NCAM1: variants seen among roughly 807,000 people sequenced by gnomAD.
The protein encoded by NCAM1 is neural cell adhesion molecule 1.
Under a neutral mutation model 109.8 loss-of-function variants are expected in NCAM1, and 14 were observed. That is an observed-to-expected ratio of 0.13 (90% CI 0.08 to 0.20). NCAM1 has a LOEUF of 0.20. NCAM1 is among the 10% of genes least tolerant of loss of function. The pLI, the probability that NCAM1 is intolerant of heterozygous loss-of-function variation, is 1.00. For synonymous variants in NCAM1, 418 were observed against 442.9 expected, an observed-to-expected ratio of 0.94 and a Z score of 0.70; for missense variants, 774 against 1,109.9, an observed-to-expected ratio of 0.70 and a Z score of 4.30.
At chr11:113,078,446 T>C (rs80090160) in intron 1 of NCAM1, among the ~76,000 whole-genome samples, 7,979 of 152,132 alleles carry the variant, frequency 0.052, 579 homozygotes, top group Admixed American at 0.17. Context: ...GCACATGTGT[T>C]TCGGGAAGGG....
At chr11:113,202,332 G>GT (rs112087457) in intron 1 of NCAM1, 47 bp from the exon 2 acceptor site, 144,386 of 1,379,104 alleles carry the variant, frequency 0.1, 6,083 homozygotes, top group East Asian at 0.23. Flanking sequence ...AACTTTGTGG[G>GT]TTTTTTTTTG....
intron 1 of NCAM1, among the ~76,000 whole-genome samples, chr11:113,159,257 T>C (rs911165448): frequency 6.6e-6 from 1 of 152,248 alleles, no homozygotes; most frequent in East Asian, 1.9e-4. Context: ...AATATCGTAG[T>C]TGATAATTAG....
chr11:113,140,556 TG>T (rs558044710), intron 1 of NCAM1, among the ~76,000 whole-genome samples: 81 of 152,328 alleles, frequency 5.3e-4, no homozygotes, highest in African/African-American at 1.7e-3. Flanking sequence ...TAACATGCAT[TG>T]CTTCGGAGTC....
intron 1 of NCAM1, among the ~76,000 whole-genome samples, chr11:113,065,395 T>C (rs1937902370): frequency 6.6e-6 from 1 of 152,130 alleles, no homozygotes; most frequent in South Asian, 2.1e-4. Flanking sequence ...CTTTGCATAG[T>C]GATTTCCTTC....
At chr11:113,135,205 C>T (rs952767293) in intron 1 of NCAM1, among the ~76,000 whole-genome samples, 13 of 152,158 alleles carry the variant, frequency 8.5e-5, no homozygotes. Flanking sequence ...CAGATTTTCT[C>T]TGGGAACAGC....
At chr11:113,173,585 T>TATATATATATATATATA (rs1272373735) in intron 1 of NCAM1, among the ~76,000 whole-genome samples, 2 of 71,328 alleles carry the variant, frequency 2.8e-5, no homozygotes, top group Non-Finnish European at 5.2e-5. Context: ...TATTAGCATG[T>TATATATATATATATATA]TACCTGATAT....
At chr11:113,105,732 G>C (rs1555092417) in intron 1 of NCAM1, among the ~76,000 whole-genome samples, 1 of 152,186 alleles carries the variant, frequency 6.6e-6, no homozygotes, top group African/African-American at 2.4e-5. Context: ...CAGACAAGAA[G>C]TAATATATTA....
intron 2 of NCAM1, among the ~76,000 whole-genome samples, chr11:113,202,885 C>T (rs1352703709): frequency 6.6e-6 from 1 of 152,180 alleles, no homozygotes; most frequent in Non-Finnish European, 1.5e-5. Context: ...AAGTCTAAAA[C>T]TTGCCTGTAG....
chr11:113,264,414 A>C (rs1946090792), intron 17 of NCAM1: 9 of 985,428 alleles, frequency 9.1e-6, no homozygotes, highest in Middle Eastern at 5.2e-4. Context: ...CATGCTGCAC[A>C]GTAGCTCAGG....
intron 1 of NCAM1, among the ~76,000 whole-genome samples, chr11:113,039,845 T>C (rs1327514652): frequency 1.3e-5 from 2 of 152,186 alleles, no homozygotes; most frequent in African/African-American, 4.8e-5. Context: ...GTACGCACTA[T>C]TTTAAAAATA....
chr11:113,152,101 T>C (rs531995266), intron 1 of NCAM1, among the ~76,000 whole-genome samples: 25 of 152,318 alleles, frequency 1.6e-4, no homozygotes, highest in African/African-American at 5.1e-4. Flanking sequence ...CATCCAAAAA[T>C]TTAAGAATCC....
chr11:113,095,820 C>A (rs1024703735), intron 1 of NCAM1, among the ~76,000 whole-genome samples: 1 of 152,174 alleles, frequency 6.6e-6, no homozygotes, highest in Non-Finnish European at 1.5e-5. Flanking sequence ...CTGTGCCTCA[C>A]CTCCTACCGA....
At position 112,961,445 on chromosome 11, in the gene NCAM1, C is replaced by T. The variant is rs1236474718; in HGVS notation, c.-168C>T. On this transcript the variant is annotated 5_prime_UTR_variant, in exon 1 of 20. The change creates a new upstream start codon in the 5' untranslated region. Transcript: ENST00000316851. ...ACTCATTCTCCGATCAGCGCGTGAA[C>T]GCAGCTCGGCTGCCGCTGGCAGGAA... is the stretch of plus-strand genomic sequence containing the variant. 3.9e-6 allele frequency: 3 copies of T among 767,886 alleles called. No homozygotes were observed. Among genetic ancestry groups the T allele is most frequent in the Non-Finnish European group, 4.8e-6 (2 of 413,182 alleles). The allele number at this position is 767,886 out of a possible 1,614,324, so 47.6% of individuals were successfully genotyped here.
intron 1 of NCAM1, among the ~76,000 whole-genome samples, chr11:112,975,672 A>G (rs1214690102): frequency 2.0e-5 from 3 of 151,952 alleles, no homozygotes; most frequent in African/African-American, 7.2e-5. Context: ...TTCTTTGAAG[A>G]TAAGGGATTG....
intron 1 of NCAM1, among the ~76,000 whole-genome samples, chr11:113,099,876 A>AC: frequency 6.6e-6 from 1 of 152,190 alleles, no homozygotes; most frequent in Admixed American, 6.5e-5. Flanking sequence ...TTTAGCAGAG[A>AC]CGGGGTTTCA....
At chr11:113,118,876 G>C (rs1389216344) in intron 1 of NCAM1, among the ~76,000 whole-genome samples, 1 of 152,038 alleles carries the variant, frequency 6.6e-6, no homozygotes, top group Admixed American at 6.5e-5. Context: ...GTCAAGGATA[G>C]TGTTTCAAAT....
At chr11:112,976,728 C>T (rs1465837126) in intron 1 of NCAM1, among the ~76,000 whole-genome samples, 1 of 151,760 alleles carries the variant, frequency 6.6e-6, no homozygotes. Flanking sequence ...TTGATTTAGA[C>T]CATGATAGGT....
intron 14 of NCAM1, chr11:113,240,899 C>T: frequency 6.9e-7 from 1 of 1,450,746 alleles, no homozygotes; most frequent in Non-Finnish European, 9.7e-7. Context: ...TTTGTTTTGC[C>T]TAATGTTATC....
intron 7 of NCAM1, among the ~76,000 whole-genome samples, chr11:113,214,086 A>T (rs1944460386): frequency 6.6e-6 from 1 of 152,198 alleles, no homozygotes; most frequent in Non-Finnish European, 1.5e-5. Flanking sequence ...TTCCTCTCGA[A>T]GGCTCCATCC....
Sources: gnomAD v4.1 joint callset for allele counts (sites outside exome capture counted in the v4.1 genomes callset) on GRCh38, gnomAD v4.1.1 for gene constraint, MANE v1.5 for transcripts, NCBI Gene and HGNC (gene_info 2026-07-23, HGNC 2026-07-21) for gene names.